The following ERLIN2 variants were observed in gnomAD, a reference collection of about 807,000 sequenced individuals.
ERLIN2 encodes ER lipid raft associated 2, also known as erlin-2.
In ERLIN2, 22 loss-of-function variants were observed where a neutral mutation model predicts 41.5. That is an observed-to-expected ratio of 0.53 (90% CI 0.38 to 0.76). The LOEUF is 0.76. ERLIN2 is among the 30% of genes least tolerant of loss of function. The pLI is 0.00. For missense variants in ERLIN2, 247 were observed against 414.3 expected (o/e 0.60, Z 3.51); for synonymous variants, 149 against 150.9 (o/e 0.99, Z 0.09).
At position 37,740,544 on chromosome 8, in the gene ERLIN2, C is replaced by T. The variant is rs1585900962; in HGVS notation, c.189+98C>T. 1.6e-5 allele frequency: 11 copies of T among 697,956 alleles called. No homozygotes were observed. The East Asian group carries it at 3.6e-4, about 23-fold the overall frequency. The allele number at this position is 697,956 out of a possible 1,614,324, so 43.2% of individuals were successfully genotyped here. ...ATTTAGCCATTGGATGAGTAAAATG[C>T]CATTCTAGAGAATGATATAAGGATA... On this transcript the variant is annotated intron_variant, in intron 3 of 11. Transcript: ENST00000519638.
intron 6 of ERLIN2, chr8:37,747,512 C>T (rs1347855114): frequency 6.2e-7 from 1 of 1,612,504 alleles, no homozygotes; most frequent in Non-Finnish European, 8.5e-7. Context: ...TCCTCTTCCT[C>T]TTCATCAATG....
rs907759783 is a variant in ERLIN2 at position 37,736,683 on chromosome 8, G to C, written c.-16+5G>C. ...AGCGCCTGCAGGGACAGCCTGGTAC[G>C]CGGCCCCCGCCCCTTCGTGCGCGCG... is the stretch of plus-strand genomic sequence containing the variant. On this transcript the variant is annotated splice_donor_5th_base_variant and intron_variant, in intron 1 of 11. Coordinates refer to ENST00000519638, the MANE Select transcript of ERLIN2 (RefSeq NM_007175.8). 2 of 985,514 alleles carry C rather than the reference G, an allele frequency of 2.0e-6. No individual in the cohort carries two copies. Among genetic ancestry groups the C allele is most frequent in the Non-Finnish European group, 2.4e-6 (2 of 830,048 alleles). The allele number at this position is 985,514 out of a possible 1,614,324, so 61.0% of individuals were successfully genotyped here.
chr8:37,741,664 A>G lies in ERLIN2; in HGVS notation c.190-108A>G, dbSNP rs890273173. ...GGGGTAATCATGTTTAATGAAGGCC[A>G]TGCTCAACCCAAACAGTTATTCCAG... On this transcript the variant is annotated intron_variant, in intron 3 of 11. Coordinates refer to ENST00000519638, the MANE Select transcript of ERLIN2 (RefSeq NM_007175.8). This position sits in a 1 kb window ranked among gnomAD's most constrained non-coding sequence, Gnocchi z 4.8. The G allele has an allele frequency of 1.7e-5, 15 of 869,080 alleles. No individual in the cohort carries two copies. Among genetic ancestry groups the G allele is most frequent in the South Asian group, 2.7e-5 (2 of 73,500 alleles). 53.8% of individuals were successfully genotyped at this position (869,080 alleles called of 1,614,324 possible).
intron 10 of ERLIN2, among the ~76,000 whole-genome samples, 198 bp downstream of exon 10, chr8:37,751,913 A>G (rs1388936818): frequency 6.6e-6 from 1 of 152,156 alleles, no homozygotes; most frequent in Non-Finnish European, 1.5e-5. Context: ...TACTTCAGAG[A>G]GCATTTGTTC....
chr8:37,746,607 C>T, intron 6 of ERLIN2: 1 of 853,272 alleles, frequency 1.2e-6, no homozygotes, highest in Non-Finnish European at 1.4e-6. Context: ...TCCTATGTAT[C>T]CATGCAAGGA....
At chr8:37,747,359 A>G in intron 6 of ERLIN2, 2 of 1,334,368 alleles carry the variant, frequency 1.5e-6, no homozygotes, top group Non-Finnish European at 2.2e-6. Context: ...TTGTCAATCA[A>G]GGTCCCCTTC....
chr8:37,743,904 A>T (rs1045095628), intron 4 of ERLIN2, among the ~76,000 whole-genome samples: 1 of 152,220 alleles, frequency 6.6e-6, no homozygotes, highest in Non-Finnish European at 1.5e-5. Context: ...CTATGTTTGA[A>T]ATCTTTTTAT....
At chr8:37,737,044 T>G (rs1285778927) in intron 1 of ERLIN2, 4 of 954,284 alleles carry the variant, frequency 4.2e-6, no homozygotes, top group Non-Finnish European at 3.7e-6. Context: ...GCGCCCCGGT[T>G]ACGTTAGACC....
rs1802863582 is a variant in ERLIN2, at chr8:37,741,883, G to T, written c.236+65G>T. ...CAGAGAAAAGGCTGTCTGGCTGGTT[G>T]CAGGAAGAGACAGTGAAAAGGGAGG... On this transcript the variant is annotated intron_variant, in intron 4 of 11. Coordinates refer to ENST00000519638, the MANE Select transcript of ERLIN2 (RefSeq NM_007175.8). This position sits in a 1 kb window ranked among gnomAD's most constrained non-coding sequence, Gnocchi z 4.8. 3.1e-6 allele frequency: 4 copies of T among 1,309,940 alleles called. No individual in the cohort carries two copies. In the Admixed American group the frequency reaches 6.7e-5, roughly 22 times the overall value. The allele number at this position is 1,309,940 out of a possible 1,614,324, so 81.1% of individuals were successfully genotyped here.
intron 7 of ERLIN2, 32 bp downstream of exon 7, chr8:37,749,664 C>A: frequency 6.4e-7 from 1 of 1,572,924 alleles, no homozygotes; most frequent in Non-Finnish European, 8.8e-7. Flanking sequence ...CAGCCCCTCT[C>A]TCTCTGACAC....
At chr8:37,739,306 A>G (rs1044709965) in intron 2 of ERLIN2, among the ~76,000 whole-genome samples, 9 of 152,224 alleles carry the variant, frequency 5.9e-5, no homozygotes, top group African/African-American at 2.2e-4. Context: ...AGGTAACTCT[A>G]TTGCCAAAAC....
intron 4 of ERLIN2, among the ~76,000 whole-genome samples, chr8:37,742,464 T>C (rs1190834043): frequency 4.7e-5 from 7 of 148,960 alleles, no homozygotes. Context: ...TATGGAATAC[T>C]ATGCAGCCAT....
chr8:37,741,766 T>TTCCAGACCACAC lies in ERLIN2; in HGVS notation c.192_203dup. On this transcript the variant is annotated splice_region_variant and splice_polypyrimidine_tract_variant and intron_variant, in intron 3 of 11. Transcript: ENST00000519638. This position sits in a 1 kb window ranked among gnomAD's most constrained non-coding sequence, Gnocchi z 4.8. Reference sequence around the variant, plus strand: ...TTCTAGCACTTTATGTTTCCTCTGTTTCCAGACCACACTCCAGACAGATGA... The same window carrying TTCCAGACCACAC: ...TTCTAGCACTTTATGTTTCCTCTGTTTCCAGACCACACTCCAGACCACACTCCAGACAGATGA... The TTCCAGACCACAC allele has an allele frequency of 1.2e-6, 2 of 1,612,492 alleles. No homozygotes were observed. The highest frequency in any genetic ancestry group is 1.7e-6 in the Non-Finnish European group (2 of 1,178,448).
intron 6 of ERLIN2, chr8:37,746,198 C>CT (rs1803043286): frequency 1.0e-6 from 1 of 986,142 alleles, no homozygotes; most frequent in Non-Finnish European, 1.2e-6. Context: ...AGTCCTGGCC[C>CT]TTCAACTCAG....
intron 1 of ERLIN2, chr8:37,737,643 G>T: frequency 4.2e-6 from 2 of 470,738 alleles, no homozygotes; most frequent in Non-Finnish European, 7.8e-6. Flanking sequence ...CTACCCAGCT[G>T]GCACGGGTTC....
chr8:37,739,102 C>G (rs927269807), intron 2 of ERLIN2, among the ~76,000 whole-genome samples: 6 of 151,962 alleles, frequency 3.9e-5, no homozygotes, highest in Non-Finnish European at 7.4e-5. Context: ...CCTCCATGAC[C>G]AAGTGTTTTG....
intron 6 of ERLIN2, 195 bp downstream of exon 6, chr8:37,744,891 T>TA: frequency 1.4e-6 from 1 of 715,238 alleles, no homozygotes; most frequent in Non-Finnish European, 2.5e-6. Flanking sequence ...ACAAGATCCT[T>TA]AGAGGGCTGG....
chr8:37,749,880 A>G (rs1222869954), intron 8 of ERLIN2, 28 bp downstream of exon 8: 1 of 1,599,184 alleles, frequency 6.3e-7, no homozygotes, highest in Non-Finnish European at 8.6e-7. Flanking sequence ...CTGGGCTGTG[A>G]CCACCACTGC....
chr8:37,747,400 A>G (rs1172089560), intron 6 of ERLIN2: 1 of 1,570,596 alleles, frequency 6.4e-7, no homozygotes, highest in East Asian at 2.2e-5. Context: ...CCATTCAGCC[A>G]GCTCTTGCAG....
Sources: gnomAD v4.1 joint callset for allele counts (sites outside exome capture counted in the v4.1 genomes callset) on GRCh38, gnomAD v4.1.1 for gene constraint, Gnocchi (gnomAD v3.1) non-coding constraint, MANE v1.5 for transcripts, NCBI Gene and HGNC (gene_info 2026-07-23, HGNC 2026-07-21) for gene names.